NPAS3: variants seen among roughly 807,000 people sequenced by gnomAD.
NPAS3 encodes the protein neuronal PAS domain-containing protein 3.
Under a neutral mutation model 73.1 loss-of-function variants are expected in NPAS3, and 14 were observed. The observed-to-expected ratio is 0.19, with a 90% confidence interval of 0.13 to 0.30. NPAS3 has a LOEUF of 0.30. Among genes scored for constraint, NPAS3 ranks in the 10% least tolerant of loss-of-function variants. NPAS3 has a pLI of 1.00. For missense variants in NPAS3, 1,096 were observed against 1,250.0 expected, an observed-to-expected ratio of 0.88 and a Z score of 1.86; for synonymous variants, 620 against 541.5, an observed-to-expected ratio of 1.14 and a Z score of -2.01.
At chr14:33,060,109 C>A (rs2041041665) in intron 2 of NPAS3, among the ~76,000 whole-genome samples, 1 of 152,118 alleles carries the variant, frequency 6.6e-6, no homozygotes, top group Non-Finnish European at 1.5e-5. Context: ...ATAAAATATT[C>A]ATAGACATGA....
intron 1 of NPAS3, among the ~76,000 whole-genome samples, chr14:33,003,852 G>A (rs1339047085): frequency 6.6e-6 from 1 of 152,166 alleles, no homozygotes; most frequent in Non-Finnish European, 1.5e-5. Flanking sequence ...GTCTTTTAAA[G>A]TTGAGCATCA....
chr14:33,283,236 A>G (rs968005164), intron 3 of NPAS3, among the ~76,000 whole-genome samples: 4 of 152,250 alleles, frequency 2.6e-5, no homozygotes, highest in African/African-American at 7.2e-5. Flanking sequence ...GAGTAAGGTC[A>G]TCTAGGGCCC....
chr14:33,341,733 TTCTG>T (rs2044493049), intron 3 of NPAS3, among the ~76,000 whole-genome samples: 1 of 152,186 alleles, frequency 6.6e-6, no homozygotes, highest in Non-Finnish European at 1.5e-5. Flanking sequence ...TTGTCTTGGG[TTCTG>T]TCTATGTTGC....
intron 1 of NPAS3, among the ~76,000 whole-genome samples, chr14:33,013,882 A>G (rs920972313): frequency 6.6e-6 from 1 of 152,146 alleles, no homozygotes; most frequent in African/African-American, 2.4e-5. Flanking sequence ...TTAAATTTGG[A>G]TAAATATTGT....
At chr14:32,945,735 A>G (rs538103302) in intron 1 of NPAS3, among the ~76,000 whole-genome samples, 1 of 152,334 alleles carries the variant, frequency 6.6e-6, no homozygotes, top group Admixed American at 6.5e-5. Context: ...GTCCTTCATC[A>G]GATGTTTGGA....
At chr14:33,791,598 G>C (rs754921437) in intron 9 of NPAS3, among the ~76,000 whole-genome samples, 2 of 152,214 alleles carry the variant, frequency 1.3e-5, no homozygotes, top group Admixed American at 6.5e-5. Flanking sequence ...CGTTTGGCTG[G>C]ATGTCTATTT....
chr14:33,592,899 T>C (rs759322996), intron 5 of NPAS3, among the ~76,000 whole-genome samples: 11 of 152,188 alleles, frequency 7.2e-5, no homozygotes, highest in South Asian at 4.1e-4. Context: ...CAGATTACTA[T>C]GTTTTCTTCA....
At position 33,454,825 on chromosome 14, in the gene NPAS3, G is replaced by A. The variant is rs557519691; in HGVS notation, c.468+87557G>A. On this transcript the variant is annotated intron_variant, in intron 4 of 11. Coordinates refer to ENST00000356141, the Ensembl canonical transcript of NPAS3. ...GGTATGTGTATCTGGGGAGAAAAAT[G>A]AGGTGATACTGATGGGAGTACCTGT... 1.3e-5 allele frequency among the ~76,000 whole-genome samples: 2 copies of A among 152,278 alleles called. 1 individual carries two copies. The highest frequency in any genetic ancestry group is 4.2e-4 in the South Asian group (2 of 4,818).
At position 33,779,189 on chromosome 14, in the gene NPAS3, C is replaced by T. The variant is rs144369198; in HGVS notation, c.1153+617C>T. The stretch of plus-strand genomic sequence containing the variant: ...TTATCTCAGCTCTTTGAATATGGCT[C>T]CCAGCCCCTGAGCCACAGGCTGAAC... On this transcript the variant is annotated intron_variant, in intron 9 of 11. Transcript: ENST00000356141. Among the ~76,000 whole-genome samples the T allele has an allele frequency of 2.6e-4, 39 of 152,324 alleles. No homozygotes were observed. The East Asian group carries it at 7.3e-3, about 29-fold the overall frequency.
At chr14:33,801,108 GAGGCGCCGCCCGTCCTGGGCCCGGCC>G (rs1157044495) in exon 12 of NPAS3, 2 of 1,578,556 alleles carry the variant, frequency 1.3e-6, no homozygotes, top group Non-Finnish European at 1.7e-6. Flanking sequence ...AAGGAGGACT[GAGGCGCCGCCCGTCCTGGGCCCGGCC>G]AGGCCCCGCT....
At chr14:33,623,607 A>G (rs1033783503) in intron 5 of NPAS3, among the ~76,000 whole-genome samples, 1 of 152,210 alleles carries the variant, frequency 6.6e-6, no homozygotes, top group Middle Eastern at 3.2e-3. Context: ...AACATAAGTC[A>G]GATCTTGTCA....
intron 4 of NPAS3, among the ~76,000 whole-genome samples, chr14:33,378,333 T>C (rs2046391423): frequency 6.6e-6 from 1 of 152,132 alleles, no homozygotes; most frequent in South Asian, 2.1e-4. Flanking sequence ...CTGGAGCAAG[T>C]CACTTCCTGT....
intron 1 of NPAS3, among the ~76,000 whole-genome samples, chr14:33,053,511 C>T (rs1388516545): frequency 3.3e-5 from 5 of 152,154 alleles, no homozygotes; most frequent in Non-Finnish European, 7.4e-5. Flanking sequence ...ATAATAGTTT[C>T]ACGATTGAAA....
intron 6 of NPAS3, among the ~76,000 whole-genome samples, chr14:33,704,956 G>A (rs2140465695): frequency 6.6e-6 from 1 of 152,294 alleles, no homozygotes; most frequent in Non-Finnish European, 1.5e-5. Flanking sequence ...GTTTCAGGCA[G>A]GTCGCTCATA....
At position 33,026,609 on chromosome 14, in the gene NPAS3, G is replaced by C. The variant is rs900969003; in HGVS notation, c.51-29296G>C. Among the ~76,000 whole-genome samples, 7 of 152,074 alleles carry C rather than the reference G, an allele frequency of 4.6e-5. No homozygotes were observed. The East Asian group carries it at 1.4e-3, about 29-fold the overall frequency. On this transcript the variant is annotated intron_variant, in intron 1 of 11. Transcript: ENST00000356141. ...TCATATTTTATGGAGAGCTAAGGAG[G>C]AATCAAGATCTATAATCTTTCCTGT...
intron 3 of NPAS3, among the ~76,000 whole-genome samples, chr14:33,274,055 G>C (rs2041220688): frequency 6.6e-6 from 1 of 152,120 alleles, no homozygotes; most frequent in African/African-American, 2.4e-5. Context: ...TGTTTGGAGA[G>C]ACACTACACT....
At chr14:33,791,011 CT>C (rs1385334632) in intron 9 of NPAS3, among the ~76,000 whole-genome samples, 1 of 152,246 alleles carries the variant, frequency 6.6e-6, no homozygotes, top group East Asian at 1.9e-4. Context: ...TGTCCCAACT[CT>C]GCACCGTATC....
intron 3 of NPAS3, among the ~76,000 whole-genome samples, chr14:33,363,156 G>A (rs1468981600): frequency 6.6e-6 from 1 of 152,160 alleles, no homozygotes; most frequent in Non-Finnish European, 1.5e-5. Flanking sequence ...AACTCCCACT[G>A]AGCGTTAATC....
intron 11 of NPAS3, among the ~76,000 whole-genome samples, chr14:33,798,249 G>A (rs1441712004): frequency 6.6e-6 from 1 of 152,074 alleles, no homozygotes; most frequent in Non-Finnish European, 1.5e-5. Flanking sequence ...ATTTCCTTTG[G>A]GGAAGCGGAC....
Sources: allele counts gnomAD v4.1 joint callset (sites outside exome capture counted in the v4.1 genomes callset), GRCh38; gene constraint gnomAD v4.1.1; transcripts MANE v1.5; gene names NCBI Gene and HGNC (gene_info 2026-07-23, HGNC 2026-07-21).